DEPTOR: variants seen among roughly 807,000 people sequenced by gnomAD.
The protein encoded by DEPTOR is DEP domain-containing mTOR-interacting protein.
In DEPTOR, 41 loss-of-function variants were observed where a neutral mutation model predicts 41.6. The ratio of observed to expected loss-of-function variants is 0.98; its 90% confidence interval spans 0.77 to 1.28. DEPTOR has a LOEUF of 1.28. Among genes scored for constraint, DEPTOR ranks in the 50% most tolerant of loss-of-function variants. DEPTOR has a pLI of 0.00. For synonymous variants in DEPTOR, 195 were observed against 192.3 expected (o/e 1.01, Z -0.12); for missense variants, 514 against 527.9 (o/e 0.97, Z 0.26).
intron 1 of DEPTOR, among the ~76,000 whole-genome samples, chr8:119,913,484 G>A (rs1205391661): frequency 6.6e-6 from 1 of 152,164 alleles, no homozygotes; most frequent in Non-Finnish European, 1.5e-5. Flanking sequence ...GCTACTTAGT[G>A]TCAGTCTATA....
intron 3 of DEPTOR, among the ~76,000 whole-genome samples, chr8:119,953,924 C>G (rs1479744207): frequency 1.3e-5 from 2 of 151,452 alleles, no homozygotes; most frequent in Non-Finnish European, 2.9e-5. Context: ...CCTGCCTCAA[C>G]CTCCCGAGTA....
chr8:119,938,503 T>A (rs186761358), intron 3 of DEPTOR, among the ~76,000 whole-genome samples: 35 of 152,208 alleles, frequency 2.3e-4, no homozygotes, highest in Admixed American at 1.2e-3. Context: ...GAAATCTGTA[T>A]CTTTCTTTTT....
At chr8:119,958,584 C>T (rs949916525) in intron 3 of DEPTOR, among the ~76,000 whole-genome samples, 1 of 151,984 alleles carries the variant, frequency 6.6e-6, no homozygotes, top group Non-Finnish European at 1.5e-5. Context: ...GAGTTTGAGA[C>T]CAGCCTGAAC....
chr8:119,941,983 C>G (rs1175351267), intron 3 of DEPTOR, among the ~76,000 whole-genome samples: 1 of 152,188 alleles, frequency 6.6e-6, no homozygotes, highest in Non-Finnish European at 1.5e-5. Flanking sequence ...TCACTTGGCT[C>G]ATGCCAACTT....
intron 3 of DEPTOR, among the ~76,000 whole-genome samples, chr8:119,955,845 A>G (rs1828410953): frequency 6.6e-6 from 1 of 152,228 alleles, no homozygotes; most frequent in Non-Finnish European, 1.5e-5. Context: ...ATTGTATGGT[A>G]TGTGAATTAT....
chr8:120,023,403 G>A (rs1382038861), intron 8 of DEPTOR, among the ~76,000 whole-genome samples: 1 of 151,942 alleles, frequency 6.6e-6, no homozygotes, highest in African/African-American at 2.4e-5. Context: ...ACCATGCCCA[G>A]CTAATTTTTG....
chr8:119,882,445 G>A (rs904341746), intron 1 of DEPTOR, among the ~76,000 whole-genome samples: 16 of 151,464 alleles, frequency 1.1e-4, no homozygotes, highest in Non-Finnish European at 1.9e-4. Flanking sequence ...TTGTTGCCCA[G>A]GTGCAGTGGC....
intron 1 of DEPTOR, among the ~76,000 whole-genome samples, chr8:119,888,342 A>T (rs1827400438): frequency 6.6e-6 from 1 of 152,164 alleles, no homozygotes; most frequent in South Asian, 2.1e-4. Context: ...GAATTGTCAT[A>T]TATCAAGCCC....
At chr8:119,982,921 C>T (rs577997139) in intron 4 of DEPTOR, among the ~76,000 whole-genome samples, 133 of 152,330 alleles carry the variant, frequency 8.7e-4, no homozygotes, top group African/African-American at 3.1e-3. Context: ...GCTGGGCACA[C>T]TACTGCCCTG....
At chr8:119,931,226 C>T (rs548478859) in intron 3 of DEPTOR, among the ~76,000 whole-genome samples, 1 of 151,752 alleles carries the variant, frequency 6.6e-6, no homozygotes, top group Admixed American at 6.6e-5. Context: ...TAAAAAAAAA[C>T]AAAACATATT....
intron 5 of DEPTOR, 68 bp downstream of exon 5, chr8:120,001,778 A>G: frequency 6.7e-7 from 1 of 1,500,902 alleles, no homozygotes; most frequent in South Asian, 1.4e-5. Flanking sequence ...GCCATGACTC[A>G]CCTTTGTGAA....
intron 6 of DEPTOR, among the ~76,000 whole-genome samples, chr8:120,005,435 G>A (rs1307681956): frequency 6.6e-6 from 1 of 152,236 alleles, no homozygotes; most frequent in Admixed American, 6.5e-5. Flanking sequence ...CAGGCCAGAA[G>A]GCCGTTCATG....
At chr8:119,881,057 G>T (rs1827291242) in intron 1 of DEPTOR, among the ~76,000 whole-genome samples, 1 of 152,196 alleles carries the variant, frequency 6.6e-6, no homozygotes, top group Admixed American at 6.5e-5. Context: ...AGCTAAGTTG[G>T]AGGAAATGCA....
Position 119,913,192 on chromosome 8 carries a change from G to A in DEPTOR, c.123-15208G>A, listed in dbSNP as rs1027391243. 2.6e-5 allele frequency among the ~76,000 whole-genome samples: 4 copies of A among 152,096 alleles called. No individual in the cohort carries two copies. The East Asian group carries it at 7.7e-4, about 29-fold the overall frequency. On this transcript the variant is annotated intron_variant, in intron 1 of 8. Transcript: ENST00000286234. ...TGCCTCGGCCTCCCAAAGTGCTGGG[G>A]ATTATAGGCATGAGCCACTGCACCC...
At chr8:120,020,128 C>T (rs1812677001) in intron 8 of DEPTOR, among the ~76,000 whole-genome samples, 1 of 152,136 alleles carries the variant, frequency 6.6e-6, no homozygotes. Flanking sequence ...CACTCTGTCA[C>T]CCAGGCTGGA....
intron 4 of DEPTOR, among the ~76,000 whole-genome samples, chr8:119,972,595 C>G (rs902561671): frequency 2.0e-5 from 3 of 151,254 alleles, no homozygotes; most frequent in Non-Finnish European, 4.4e-5. Flanking sequence ...TGCACTCCAG[C>G]CTTTGTGACA....
At chr8:120,000,434 G>C (rs765591500) in intron 4 of DEPTOR, among the ~76,000 whole-genome samples, 1 of 152,030 alleles carries the variant, frequency 6.6e-6, no homozygotes, top group East Asian at 1.9e-4. Context: ...GCAACTCTCT[G>C]TAAGTCTATA....
chr8:119,888,301 G>A (rs1827399926), intron 1 of DEPTOR, among the ~76,000 whole-genome samples: 1 of 151,982 alleles, frequency 6.6e-6, no homozygotes, highest in African/African-American at 2.4e-5. Flanking sequence ...AAATTATACT[G>A]CTTCCTTAGA....
At chr8:119,896,299 C>T (rs1827519106) in intron 1 of DEPTOR, among the ~76,000 whole-genome samples, 1 of 152,070 alleles carries the variant, frequency 6.6e-6, no homozygotes, top group Admixed American at 6.6e-5. Flanking sequence ...GAAACTTGCC[C>T]AGGGTTACAA....
Sources: allele counts gnomAD v4.1 joint callset (sites outside exome capture counted in the v4.1 genomes callset), GRCh38; gene constraint gnomAD v4.1.1; transcripts MANE v1.5; gene names NCBI Gene and HGNC (gene_info 2026-07-23, HGNC 2026-07-21).